NELL2: variants seen among roughly 807,000 people sequenced by gnomAD.
NELL2 encodes neural EGFL like 2.
In NELL2, 41 loss-of-function variants were observed where a neutral mutation model predicts 109.6. That is an observed-to-expected ratio of 0.37 (90% CI 0.29 to 0.49). NELL2 has a LOEUF of 0.49. NELL2 is among the 20% of genes least tolerant of loss of function. The pLI is 0.98. For missense variants in NELL2, 900 were observed against 1,008.3 expected, an observed-to-expected ratio of 0.89 and a Z score of 1.45; for synonymous variants, 355 against 344.7, an observed-to-expected ratio of 1.03 and a Z score of -0.33.
intron 13 of NELL2, among the ~76,000 whole-genome samples, chr12:44,621,698 T>A (rs534977293): frequency 9.5e-6 from 1 of 104,796 alleles, no homozygotes; most frequent in African/African-American, 6.2e-5. Flanking sequence ...GTGCTCGAAC[T>A]TTTTTTTTTA....
intron 2 of NELL2, among the ~76,000 whole-genome samples, chr12:44,835,770 T>C (rs917763467): frequency 6.6e-6 from 1 of 152,150 alleles, no homozygotes; most frequent in Non-Finnish European, 1.5e-5. Context: ...CCTGACACTT[T>C]GGTGGGCAGA....
chr12:44,772,009 C>T (rs1178432530), intron 9 of NELL2, among the ~76,000 whole-genome samples: 1 of 152,130 alleles, frequency 6.6e-6, no homozygotes, highest in African/African-American at 2.4e-5. Context: ...AAACAGTAAG[C>T]TATTAATCTC....
chr12:44,906,330 T>A (rs1232422284), intron 1 of NELL2, among the ~76,000 whole-genome samples: 1 of 152,040 alleles, frequency 6.6e-6, no homozygotes, highest in Non-Finnish European at 1.5e-5. Context: ...TCTAAGAAAT[T>A]TAGGGTTTTC....
chr12:44,698,578 G>A (rs1021895113), intron 12 of NELL2, among the ~76,000 whole-genome samples: 2 of 152,184 alleles, frequency 1.3e-5, no homozygotes, highest in African/African-American at 4.8e-5. Flanking sequence ...GACACCTGGA[G>A]GCAGGAATCA....
chr12:44,607,885 G>C lies in NELL2; in HGVS notation c.1568-621C>G, dbSNP rs951525113. ...AGACACTATATAACCTGTTTTATCAGAGTGGTTTTGGGAATGAGGCAAGTT... is the reference window on the plus strand; with the variant it reads ...AGACACTATATAACCTGTTTTATCACAGTGGTTTTGGGAATGAGGCAAGTT... On this transcript the variant is annotated intron_variant, in intron 14 of 19. Transcript: ENST00000429094. Among the ~76,000 whole-genome samples the C allele has an allele frequency of 3.3e-5, 5 of 152,096 alleles. No individual in the cohort carries two copies. In the East Asian group the frequency reaches 9.7e-4, roughly 29 times the overall value.
At chr12:44,735,969 G>GT (rs1266905336) in intron 9 of NELL2, among the ~76,000 whole-genome samples, 2 of 139,274 alleles carry the variant, frequency 1.4e-5, no homozygotes, top group Non-Finnish European at 3.1e-5. Flanking sequence ...TAATAAAAAT[G>GT]TAAGTCAATT....
At chr12:44,521,797 C>T (rs1017916598) in intron 18 of NELL2, among the ~76,000 whole-genome samples, 3 of 151,832 alleles carry the variant, frequency 2.0e-5, no homozygotes, top group African/African-American at 7.3e-5. Context: ...CTATTCAACA[C>T]CTTGTACCAC....
At chr12:44,661,827 C>A (rs1947754112) in intron 13 of NELL2, among the ~76,000 whole-genome samples, 1 of 152,056 alleles carries the variant, frequency 6.6e-6, no homozygotes, top group Non-Finnish European at 1.5e-5. Flanking sequence ...ACTCTCTTCC[C>A]TTTTCTCTTC....
At chr12:44,779,146 T>C in intron 5 of NELL2, among the ~76,000 whole-genome samples, 1 of 152,232 alleles carries the variant, frequency 6.6e-6, no homozygotes, top group East Asian at 1.9e-4. Context: ...GAAGAAATTC[T>C]ATGAAGTGTT....
chr12:44,836,529 GA>G (rs2136738484), intron 2 of NELL2, among the ~76,000 whole-genome samples: 1 of 152,274 alleles, frequency 6.6e-6, no homozygotes, highest in South Asian at 2.1e-4. Context: ...GCAAGAACAG[GA>G]ACCTGAAATT....
At chr12:44,711,538 CAA>C (rs1408658471) in intron 10 of NELL2, 144 bp from the exon 11 acceptor site, 2 of 598,132 alleles carry the variant, frequency 3.3e-6, no homozygotes, top group Non-Finnish European at 6.0e-6. Flanking sequence ...GGCTCACTCC[CAA>C]AATGACATTA....
intron 9 of NELL2, among the ~76,000 whole-genome samples, chr12:44,719,013 G>A (rs577613488): frequency 5.9e-5 from 9 of 152,158 alleles, no homozygotes; most frequent in East Asian, 1.9e-4. Context: ...TGATGTATAC[G>A]TTCTACCAAG....
At chr12:44,524,993 T>C (rs1941702784) in intron 16 of NELL2, among the ~76,000 whole-genome samples, 2 of 152,204 alleles carry the variant, frequency 1.3e-5, no homozygotes, top group African/African-American at 4.8e-5. Context: ...TGAGTTGATA[T>C]TTGTCTCCCA....
intron 2 of NELL2, among the ~76,000 whole-genome samples, chr12:44,829,774 C>T (rs1279278167): frequency 2.0e-5 from 3 of 151,838 alleles, no homozygotes; most frequent in African/African-American, 7.3e-5. Context: ...TTTAAAATTA[C>T]CCCATAGATA....
intron 3 of NELL2, among the ~76,000 whole-genome samples, chr12:44,789,615 C>T (rs966352335): frequency 6.6e-6 from 1 of 151,838 alleles, no homozygotes; most frequent in African/African-American, 2.4e-5. Context: ...GGATCCAAAC[C>T]AAGAAGAAAT....
chr12:44,663,211 C>T (rs1947810336), intron 13 of NELL2, among the ~76,000 whole-genome samples: 1 of 151,812 alleles, frequency 6.6e-6, no homozygotes, highest in Non-Finnish European at 1.5e-5. Flanking sequence ...ATTTTCTTTA[C>T]AGAAACCTGG....
At chr12:44,852,779 C>T (rs548348120) in intron 2 of NELL2, among the ~76,000 whole-genome samples, 1 of 152,210 alleles carries the variant, frequency 6.6e-6, no homozygotes, top group East Asian at 1.9e-4. Flanking sequence ...GTCTTTGAAA[C>T]GTGTTCTAAT....
At chr12:44,613,543 A>T (rs1487690060) in intron 13 of NELL2, among the ~76,000 whole-genome samples, 1 of 152,098 alleles carries the variant, frequency 6.6e-6, no homozygotes, top group African/African-American at 2.4e-5. Flanking sequence ...GATTTTGGAT[A>T]TTTCAAATAT....
At chr12:44,845,917 A>G (rs1490595850) in intron 2 of NELL2, among the ~76,000 whole-genome samples, 1 of 152,228 alleles carries the variant, frequency 6.6e-6, no homozygotes, top group African/African-American at 2.4e-5. Context: ...CCTCGTCTCT[A>G]TTCATGTCAA....
Sources: gnomAD v4.1 joint callset for allele counts (sites outside exome capture counted in the v4.1 genomes callset) on GRCh38, gnomAD v4.1.1 for gene constraint, MANE v1.5 for transcripts, NCBI Gene and HGNC (gene_info 2026-07-23, HGNC 2026-07-21) for gene names.